FHOD3: variants seen among roughly 807,000 people sequenced by gnomAD.
FHOD3 encodes the protein FH1/FH2 domain-containing protein 3.
In FHOD3, 90 loss-of-function variants were observed where a neutral mutation model predicts 173.0. The observed-to-expected ratio is 0.52, with a 90% confidence interval of 0.44 to 0.62. FHOD3 has a LOEUF of 0.62. Among genes scored for constraint, FHOD3 ranks in the 20% least tolerant of loss-of-function variants. The pLI, the probability that FHOD3 is intolerant of heterozygous loss-of-function variation, is 0.00. For synonymous variants in FHOD3, 828 were observed against 823.0 expected, an observed-to-expected ratio of 1.01 and a Z score of -0.10; for missense variants, 1,945 against 2,034.7, an observed-to-expected ratio of 0.96 and a Z score of 0.85.
chr18:36,705,384 T>G (rs1488132892), intron 17 of FHOD3, among the ~76,000 whole-genome samples: 1 of 152,198 alleles, frequency 6.6e-6, no homozygotes, highest in Non-Finnish European at 1.5e-5. Context: ...CCCTTGAGAC[T>G]CAAACATCAT....
chr18:36,701,045 C>T (rs943839459), intron 17 of FHOD3, among the ~76,000 whole-genome samples: 23 of 152,344 alleles, frequency 1.5e-4, no homozygotes, highest in Admixed American at 1.3e-3. Context: ...ACGTGTGCCT[C>T]GGGCAGGGCA....
intron 6 of FHOD3, among the ~76,000 whole-genome samples, chr18:36,587,743 A>G (rs1976306): frequency 0.31 from 47,440 of 152,086 alleles, 7,829 homozygotes; most frequent in East Asian, 0.41. Context: ...GTGAGCTGAG[A>G]TCGCGCCATT....
Position 36,372,743 on chromosome 18 carries a change from C to T in FHOD3, c.336C>T (p.Ile112=), listed in dbSNP as rs200738813. 9 of 1,613,602 alleles carry T rather than the reference C, an allele frequency of 5.6e-6. No individual in the cohort carries two copies. Among genetic ancestry groups the T allele is most frequent in the Middle Eastern group, 1.6e-4 (1 of 6,062 alleles). The change falls in exon 3 of 29, where the codon ATC becomes ATT. Residue 112 remains isoleucine, a splice_region_variant and synonymous_variant. Coordinates refer to ENST00000590592, the MANE Select transcript of FHOD3 (RefSeq NM_001281740.3). ...TQLSVRVHAC[I]EKLYNSSGRD... ...TGTCTGTGAGGGTCCATGCCTGCAT[C>T]GGTGAGTGACACCTGCCCTCAGGAA...
chr18:36,753,212 C>T (rs993808695), intron 24 of FHOD3, among the ~76,000 whole-genome samples: 1 of 152,072 alleles, frequency 6.6e-6, no homozygotes, highest in Non-Finnish European at 1.5e-5. Flanking sequence ...CCTCCTCACC[C>T]CTCCCCACAG....
chr18:36,409,182 A>G (rs2049222588), intron 3 of FHOD3, among the ~76,000 whole-genome samples: 1 of 152,020 alleles, frequency 6.6e-6, no homozygotes. Context: ...TGGGGGGGTA[A>G]TTCTCCTTGA....
intron 14 of FHOD3, among the ~76,000 whole-genome samples, chr18:36,679,731 A>C (rs2038110431): frequency 6.6e-6 from 1 of 151,962 alleles, no homozygotes; most frequent in Non-Finnish European, 1.5e-5. Flanking sequence ...ATGCAGTTGC[A>C]TTATGATCAG....
chr18:36,594,922 G>A, intron 7 of FHOD3, 24 bp downstream of exon 7: 1 of 1,490,460 alleles, frequency 6.7e-7, no homozygotes, highest in Non-Finnish European at 9.3e-7. Context: ...GCCCCCTTAT[G>A]TCATGAAGGT....
chr18:36,322,813 C>T (rs771098976), intron 1 of FHOD3, among the ~76,000 whole-genome samples: 1 of 152,118 alleles, frequency 6.6e-6, no homozygotes, highest in Non-Finnish European at 1.5e-5. Flanking sequence ...CCCCATTTCC[C>T]TGATAGGGTC....
chr18:36,642,141 G>A (rs979050719), intron 10 of FHOD3, among the ~76,000 whole-genome samples: 1 of 152,056 alleles, frequency 6.6e-6, no homozygotes. Flanking sequence ...CTACCTGAGG[G>A]CAAAGGATGG....
At chr18:36,329,044 C>T (rs1317141786) in intron 1 of FHOD3, among the ~76,000 whole-genome samples, 1 of 152,102 alleles carries the variant, frequency 6.6e-6, no homozygotes, top group African/African-American at 2.4e-5. Context: ...GGAGTGAGTA[C>T]AGAGAAAGTG....
At chr18:36,673,066 C>T (rs545875487) in intron 14 of FHOD3, among the ~76,000 whole-genome samples, 15 of 152,206 alleles carry the variant, frequency 9.9e-5, no homozygotes, top group Admixed American at 2.6e-4. Context: ...AACTCATCAT[C>T]GAAAAAGAAA....
At chr18:36,451,030 A>C (rs1396901159) in intron 3 of FHOD3, among the ~76,000 whole-genome samples, 1 of 152,162 alleles carries the variant, frequency 6.6e-6, no homozygotes, top group Non-Finnish European at 1.5e-5. Context: ...GTAGTCTTTC[A>C]ATTTCATTTC....
chr18:36,529,502 T>C (rs557845135), intron 5 of FHOD3, among the ~76,000 whole-genome samples: 3 of 152,232 alleles, frequency 2.0e-5, no homozygotes, highest in Non-Finnish European at 4.4e-5. Context: ...TTTTTTTTTA[T>C]ATATATGTTT....
At chr18:36,461,542 T>G (rs1452287019) in intron 3 of FHOD3, among the ~76,000 whole-genome samples, 1 of 152,006 alleles carries the variant, frequency 6.6e-6, no homozygotes, top group African/African-American at 2.4e-5. Flanking sequence ...ATTGCTGGCA[T>G]TGGAATCTCA....
intron 5 of FHOD3, among the ~76,000 whole-genome samples, chr18:36,517,762 G>C (rs952360035): frequency 6.6e-6 from 1 of 152,140 alleles, no homozygotes; most frequent in Non-Finnish European, 1.5e-5. Context: ...CTCATATATT[G>C]TTAAATGTTT....
At chr18:36,622,807 G>A (rs1339125201) in intron 9 of FHOD3, among the ~76,000 whole-genome samples, 1 of 152,148 alleles carries the variant, frequency 6.6e-6, no homozygotes, top group Non-Finnish European at 1.5e-5. Flanking sequence ...CACTAGAGCC[G>A]AAAGCATTTG....
chr18:36,570,107 A>T (rs775003842), intron 5 of FHOD3, among the ~76,000 whole-genome samples: 16 of 152,108 alleles, frequency 1.1e-4, no homozygotes, highest in Non-Finnish European at 1.8e-4. Flanking sequence ...TCAATGAAAC[A>T]AAAAGCTGAT....
In FHOD3 at chr18:36,340,982, A is replaced by T. The variant is rs918698547; in HGVS notation, c.166-14557A>T. On this transcript the variant is annotated intron_variant, in intron 1 of 28. Coordinates refer to ENST00000590592, the MANE Select transcript of FHOD3 (RefSeq NM_001281740.3). Reference sequence around the variant, plus strand: ...AGCCTCTAAATGTTGTTTGCTGAGGACTTAGTCCTTTGCCTTCCTTTCTTC... The same window carrying T: ...AGCCTCTAAATGTTGTTTGCTGAGGTCTTAGTCCTTTGCCTTCCTTTCTTC... Among the ~76,000 whole-genome samples, 4 of 152,070 alleles carry T rather than the reference A, an allele frequency of 2.6e-5. No homozygotes were observed. In the East Asian group the frequency reaches 7.7e-4, roughly 29 times the overall value.
chr18:36,657,894 T>C (rs1267339001), intron 13 of FHOD3, among the ~76,000 whole-genome samples, 181 bp from the exon 14 acceptor site: 2 of 152,214 alleles, frequency 1.3e-5, no homozygotes, highest in Non-Finnish European at 1.5e-5. Context: ...ACTCCTCTTA[T>C]GAGAAATTAT....
Sources: gnomAD v4.1 joint callset for allele counts (sites outside exome capture counted in the v4.1 genomes callset) on GRCh38, gnomAD v4.1.1 for gene constraint, MANE v1.5 for transcripts, NCBI Gene and HGNC (gene_info 2026-07-23, HGNC 2026-07-21) for gene names.